Variants in CCDC88C observed in about 807,000 individuals in gnomAD.
CCDC88C encodes protein Daple.
CCDC88C carries 131 observed loss-of-function variants against 198.8 expected under a neutral mutation model. The ratio of observed to expected loss-of-function variants is 0.66; its 90% CI spans 0.57 to 0.76. CCDC88C has a LOEUF of 0.76. Among genes scored for constraint, CCDC88C ranks in the 30% least tolerant of loss-of-function variants. The pLI is 0.00. For synonymous variants in CCDC88C, 1,166 were observed against 1,114.7 expected, an observed-to-expected ratio of 1.05 and a Z score of -0.92; for missense variants, 2,553 against 2,631.6, an observed-to-expected ratio of 0.97 and a Z score of 0.65.
At chr14:91,341,799 G>A (rs1349973961) in intron 6 of CCDC88C, among the ~76,000 whole-genome samples, 2 of 152,208 alleles carry the variant, frequency 1.3e-5, no homozygotes, top group South Asian at 2.1e-4. Context: ...AGGCCTCAAA[G>A]GCCAGGGGCT....
chr14:91,369,590 A>C (rs1290874289), intron 3 of CCDC88C, among the ~76,000 whole-genome samples: 1 of 152,060 alleles, frequency 6.6e-6, no homozygotes, highest in Non-Finnish European at 1.5e-5. Context: ...CACTGAGAGG[A>C]AAACCCAAGC....
rs1346313320 is a variant in CCDC88C at position 91,272,977 on chromosome 14, C to T, written c.5735G>A (p.Gly1912Asp). 1.9e-6 allele frequency: 3 copies of T among 1,556,948 alleles called. No individual in the cohort carries two copies. The highest frequency in any genetic ancestry group is 1.4e-5 in the African/African-American group (1 of 73,812). The change falls in exon 30 of 30, where the codon GGT (glycine) becomes GAT (aspartate). Residue 1912 changes from glycine to aspartate, a missense_variant. Transcript: ENST00000389857. ...SATAPAIATA[G>D]AGAAAAGSGS... is the part of the protein sequence containing the mutation. ...ACTGCCAGCAGCAGCAGCACCAGCA[C>T]CTGCAGTGGCAATGGCGGGGGCTGT...
chr14:91,354,340 A>C (rs1163300603), intron 4 of CCDC88C, among the ~76,000 whole-genome samples: 2 of 152,242 alleles, frequency 1.3e-5, no homozygotes, highest in Admixed American at 1.3e-4. Flanking sequence ...GCTGCTGAGC[A>C]AGATGCTGAG....
At chr14:91,333,717 A>G (rs1677821848) in intron 10 of CCDC88C, among the ~76,000 whole-genome samples, 1 of 152,226 alleles carries the variant, frequency 6.6e-6, no homozygotes, top group South Asian at 2.1e-4. Context: ...GAGGGCCTGT[A>G]AAATGCAGAT....
At chr14:91,323,945 T>C (rs879511290) in intron 12 of CCDC88C, among the ~76,000 whole-genome samples, 5 of 152,254 alleles carry the variant, frequency 3.3e-5, no homozygotes, top group Non-Finnish European at 5.9e-5. Context: ...GCAAGAAATA[T>C]TCACCTGTTT....
At chr14:91,411,129 C>T (rs924357758) in intron 2 of CCDC88C, among the ~76,000 whole-genome samples, 27 of 152,170 alleles carry the variant, frequency 1.8e-4, no homozygotes, top group Non-Finnish European at 3.5e-4. Context: ...TTTAACTAAG[C>T]CTCTCTGGGT....
At chr14:91,275,980 C>T (rs1889946679) in intron 29 of CCDC88C, among the ~76,000 whole-genome samples, 1 of 151,754 alleles carries the variant, frequency 6.6e-6, no homozygotes, top group Admixed American at 6.6e-5. Context: ...CGCCACCACG[C>T]CCGGCTAATT....
chr14:91,294,424 G>A (rs532648372), intron 22 of CCDC88C, 106 bp from the exon 23 acceptor site: 35 of 1,333,772 alleles, frequency 2.6e-5, no homozygotes, highest in African/African-American at 1.0e-4. Context: ...GATGTTCAAC[G>A]CAGCATAATC....
At chr14:91,287,957 C>T (rs1486780697) in intron 25 of CCDC88C, among the ~76,000 whole-genome samples, 2 of 152,164 alleles carry the variant, frequency 1.3e-5, no homozygotes, top group African/African-American at 4.8e-5. Flanking sequence ...GATTCTAAGA[C>T]ACCTTTAACG....
intron 3 of CCDC88C, among the ~76,000 whole-genome samples, chr14:91,392,966 C>T (rs1019282061): frequency 6.6e-6 from 1 of 152,028 alleles, no homozygotes; most frequent in South Asian, 2.1e-4. Flanking sequence ...CCTCACATAG[C>T]GAAAAAGGAA....
At chr14:91,406,300 C>T (rs1318376630) in intron 3 of CCDC88C, among the ~76,000 whole-genome samples, 5 of 152,210 alleles carry the variant, frequency 3.3e-5, no homozygotes, top group African/African-American at 4.8e-5. Context: ...CAGCTTGCAG[C>T]AAGAGCCTCA....
Position 91,272,762 on chromosome 14 carries a change from G to C in CCDC88C, c.5950C>G (p.Arg1984Gly). ...SEGLPAKSPG[R>G]SPDLAPHLGR... ...AGGTGGGGAGCCAAATCGGGAGACC[G>C]ACCTGGGCTCTTGGCCGGAAGCCCC... The change falls in exon 30 of 30, where the codon CGG becomes GGG. Residue 1984 changes from arginine (R) to glycine (G), a missense_variant. Arg to Gly is a moderately radical substitution (Grantham distance 125). Transcript: ENST00000389857. The C allele has an allele frequency of 6.2e-7, 1 of 1,607,972 alleles. No homozygotes were observed. Among genetic ancestry groups the C allele is most frequent in the Non-Finnish European group, 8.5e-7 (1 of 1,178,624 alleles).
chr14:91,353,483 G>A (rs1448959315), intron 4 of CCDC88C, among the ~76,000 whole-genome samples: 1 of 152,242 alleles, frequency 6.6e-6, no homozygotes, highest in East Asian at 1.9e-4. Context: ...CTCACCAGCA[G>A]AGGGGAGCTA....
At chr14:91,340,931 G>A (rs564780784) in intron 6 of CCDC88C, among the ~76,000 whole-genome samples, 1 of 152,236 alleles carries the variant, frequency 6.6e-6, no homozygotes, top group East Asian at 1.9e-4. Context: ...GAGGCCAGGA[G>A]TTTGAGGTTG....
At chr14:91,359,143 G>A (rs991908284) in intron 4 of CCDC88C, among the ~76,000 whole-genome samples, 7 of 150,520 alleles carry the variant, frequency 4.7e-5, no homozygotes, top group South Asian at 2.1e-4. Flanking sequence ...ACATCTGAGC[G>A]GTTGGGAGGC....
At chr14:91,417,125 T>C (rs1434938353) in intron 1 of CCDC88C, 1 of 703,078 alleles carries the variant, frequency 1.4e-6, no homozygotes, top group Middle Eastern at 2.3e-4. Context: ...AATAAATGTC[T>C]CACGTCTCAA....
intron 10 of CCDC88C, among the ~76,000 whole-genome samples, chr14:91,327,408 C>T (rs769659753): frequency 2.6e-5 from 4 of 152,250 alleles, no homozygotes; most frequent in Non-Finnish European, 5.9e-5. Flanking sequence ...GCTGCCTGTG[C>T]CCAGCAGAGA....
In CCDC88C at chr14:91,273,327, G is replaced by T; in HGVS notation, c.5385C>A (p.Ala1795=). ...CCCGGCTCAAGGAGGCACTGCGGCT[G>T]GCAGGTGCATGGGAAGCTGGGGGCA... The part of the protein sequence containing the change: ...APVPPASHAP[A]SRSASLSRAF... Residue 1795 remains alanine, a synonymous_variant, in exon 30 of 30, where the codon GCC becomes GCA. Transcript: ENST00000389857. This position sits in a 1 kb window ranked among gnomAD's most constrained non-coding sequence, Gnocchi z 5.6. 6.4e-7 allele frequency: 1 copy of T among 1,554,178 alleles called. No individual in the cohort carries two copies. The highest frequency in any genetic ancestry group is 8.7e-7 in the Non-Finnish European group (1 of 1,147,902).
chr14:91,377,881 G>GGC (rs1234332397), intron 3 of CCDC88C, among the ~76,000 whole-genome samples: 3 of 151,780 alleles, frequency 2.0e-5, no homozygotes, highest in African/African-American at 7.3e-5. Context: ...GGGGAAGGGA[G>GGC]GCGCGCTGCC....
Sources: gnomAD v4.1 joint callset for allele counts (sites outside exome capture counted in the v4.1 genomes callset) on GRCh38, gnomAD v4.1.1 for gene constraint, Gnocchi (gnomAD v3.1) non-coding constraint, MANE v1.5 for transcripts, NCBI Gene and HGNC (gene_info 2026-07-23, HGNC 2026-07-21) for gene names.